Variants in ARHGAP11A observed in about 807,000 individuals in gnomAD.
ARHGAP11A encodes Rho GTPase activating protein 11A.
ARHGAP11A carries 36 observed loss-of-function variants against 60.5 expected under a neutral mutation model. The observed-to-expected ratio is 0.59, with a 90% CI of 0.46 to 0.79. The LOEUF (loss-of-function observed/expected upper bound fraction) is 0.79. Ranked by LOEUF, ARHGAP11A falls within the 30% of genes least tolerant of loss-of-function variation. ARHGAP11A has a pLI of 0.00. For synonymous variants in ARHGAP11A, 362 were observed against 415.5 expected (o/e 0.87, Z 1.57); for missense variants, 1,071 against 1,199.2 (o/e 0.89, Z 1.58).
chr15:32,631,015 T>C (rs1012460268), intron 8 of ARHGAP11A, among the ~76,000 whole-genome samples: 2 of 152,104 alleles, frequency 1.3e-5, no homozygotes, highest in African/African-American at 4.8e-5. Flanking sequence ...TCCTCCAAGC[T>C]CCCAAAACAG....
chr15:32,616,051 C>T lies in ARHGAP11A; in HGVS notation c.-161C>T. On this transcript the variant is annotated 5_prime_UTR_variant, in exon 1 of 12. Transcript: ENST00000361627. ...GATGTGAGTGAGGATCAAGGAAAAG[C>T]CGTGGAAGTGGCCGGGGGTCGGGGC... 1.0e-6 allele frequency: 1 copy of T among 981,690 alleles called. No individual in the cohort carries two copies. Among genetic ancestry groups the T allele is most frequent in the Non-Finnish European group, 1.5e-6 (1 of 674,892 alleles). 60.8% of individuals were successfully genotyped at this position (981,690 alleles called of 1,614,324 possible).
Position 32,634,164 on chromosome 15 carries a change from ACT to A in ARHGAP11A, c.1344+126_1344+127del, listed in dbSNP as rs978980208. 4.6e-6 allele frequency: 3 copies of A among 657,582 alleles called. No homozygotes were observed. The African/African-American group carries it at 5.7e-5, about 12-fold the overall frequency. 40.7% of individuals were successfully genotyped at this position (657,582 alleles called of 1,614,324 possible). ...TCTCATTCTGTTCTTTTTATCCAAA[ACT>A]CTTATACTTGAGTTGATATCAAATT... On this transcript the variant is annotated intron_variant, in intron 10 of 11. Coordinates refer to ENST00000361627, the MANE Select transcript of ARHGAP11A (RefSeq NM_014783.6).
Position 32,617,145 on chromosome 15 carries a change from A to G in ARHGAP11A, c.129+805A>G, listed in dbSNP as rs1212317418. On this transcript the variant is annotated intron_variant, in intron 1 of 11. Coordinates refer to ENST00000361627, the MANE Select transcript of ARHGAP11A (RefSeq NM_014783.6). ...TATTTTAAATTTATGTGCCTAATTT[A>G]TATGGTACTTCCTAGTACTTGGAGA... 2.0e-5 allele frequency among the ~76,000 whole-genome samples: 3 copies of G among 152,210 alleles called. No individual in the cohort carries two copies. In the East Asian group the frequency reaches 5.8e-4, roughly 29 times the overall value.
chr15:32,621,938 C>T (rs1379298942), intron 2 of ARHGAP11A, among the ~76,000 whole-genome samples: 1 of 152,308 alleles, frequency 6.6e-6, no homozygotes, highest in Non-Finnish European at 1.5e-5. Flanking sequence ...CTACTATAGA[C>T]CAATAATCTA....
chr15:32,637,134 A>G lies in ARHGAP11A; in HGVS notation c.2361A>G (p.Ser787=). The G allele has an allele frequency of 6.2e-7, 1 of 1,614,118 alleles. No individual in the cohort carries two copies. Among genetic ancestry groups the G allele is most frequent in the Non-Finnish European group, 8.5e-7 (1 of 1,180,026 alleles). ...PRPMRIAKQQ[S]LETCEKTVSE... ...CTATGAGAATTGCTAAACAGCAGTCATTGGAAACATGTGAGAAAACAGTTT... is the reference window on the plus strand; with the variant it reads ...CTATGAGAATTGCTAAACAGCAGTCGTTGGAAACATGTGAGAAAACAGTTT... Residue 787 remains serine (S), a synonymous_variant, in exon 12 of 12, where the codon TCA becomes TCG. Coordinates refer to ENST00000361627, the MANE Select transcript of ARHGAP11A (RefSeq NM_014783.6).
rs2053409989 is a variant in ARHGAP11A, at chr15:32,624,373, C to T, written c.498C>T (p.His166=). Residue 166 remains histidine, a synonymous_variant, in exon 4 of 12, where the codon CAC becomes CAT. Transcript: ENST00000361627. ...TLLLSCLLAD[H]TVHVLRYFFN... Reference sequence around the variant, plus strand: ...TGCTCTCCTGTCTTCTGGCTGACCACACAGTTCATGTATTAAGATACTTCT... The same window carrying T: ...TGCTCTCCTGTCTTCTGGCTGACCATACAGTTCATGTATTAAGATACTTCT... 6.2e-7 allele frequency: 1 copy of T among 1,613,886 alleles called. No individual in the cohort carries two copies. Among genetic ancestry groups the T allele is most frequent in the Non-Finnish European group, 8.5e-7 (1 of 1,179,862 alleles).
Position 32,636,842 on chromosome 15 carries a change from GTTA to G in ARHGAP11A, c.2072_2074del (p.Tyr691del). The stretch of plus-strand genomic sequence containing the variant: ...TTTAATAGAGAAACAACTATAAAAT[GTTA>G]TTCAACTCAGATGAAGATGGAACAT... On this transcript the variant is annotated inframe_deletion, in exon 12 of 12. Transcript: ENST00000361627. 6.2e-7 allele frequency: 1 copy of G among 1,608,466 alleles called. No homozygotes were observed. The highest frequency in any genetic ancestry group is 8.5e-7 in the Non-Finnish European group (1 of 1,178,762).
chr15:32,627,724 G>A (rs1200247612), intron 6 of ARHGAP11A, among the ~76,000 whole-genome samples: 5 of 151,788 alleles, frequency 3.3e-5, no homozygotes, highest in Admixed American at 1.3e-4. Flanking sequence ...GCGAGACTCC[G>A]TCTCAAAAAT....
rs375622753 is a variant in ARHGAP11A at position 32,625,582 on chromosome 15, G to T, written c.811G>T (p.Glu271Ter). 1 of 1,613,918 alleles carries T rather than the reference G, an allele frequency of 6.2e-7. No homozygotes were observed. The highest frequency in any genetic ancestry group is 8.5e-7 in the Non-Finnish European group (1 of 1,179,838). ...TPSLEGFEEG[E>*]YETPGEYKRK... The stretch of plus-strand genomic sequence containing the variant: ...ATCACTGGAAGGCTTTGAAGAAGGT[G>T]AATATGAAACTCCTGGTGAATATAA... The change falls in exon 6 of 12, where the codon GAA becomes TAA. Residue 271 changes from glutamate to a stop codon, truncating the protein, a stop_gained. Transcript: ENST00000361627. LOFTEE classifies it high-confidence loss of function.
chr15:32,616,027 A>T lies in ARHGAP11A; in HGVS notation c.-185A>T. 1 of 747,832 alleles carries T rather than the reference A, an allele frequency of 1.3e-6. No individual in the cohort carries two copies. The highest frequency in any genetic ancestry group is 2.1e-6 in the Non-Finnish European group (1 of 466,008). 46.3% of individuals were successfully genotyped at this position (747,832 alleles called of 1,614,324 possible). A position where few individuals can be genotyped will look rare whatever the true frequency, so the allele number is the denominator to read the frequency against. On this transcript the variant is annotated 5_prime_UTR_variant, in exon 1 of 12. An upstream start codon of the reference 5' UTR is lost. Transcript: ENST00000361627. Reference sequence around the variant, plus strand: ...AAGAGAAGCGGGTCTGTGTAAGTGGATGTGAGTGAGGATCAAGGAAAAGCC... The same window carrying T: ...AAGAGAAGCGGGTCTGTGTAAGTGGTTGTGAGTGAGGATCAAGGAAAAGCC...
intron 10 of ARHGAP11A, 75 bp downstream of exon 10, chr15:32,634,116 C>T: frequency 1.1e-6 from 1 of 929,436 alleles, no homozygotes; most frequent in South Asian, 1.7e-5. Context: ...ACACTCATAG[C>T]CCTACCTTCC....
In ARHGAP11A at chr15:32,636,535, GA is replaced by G; in HGVS notation, c.1766del (p.Asn589IlefsTer3). On this transcript the variant is annotated frameshift_variant, in exon 12 of 12. Transcript: ENST00000361627. LOFTEE classifies it low-confidence loss of function (END_TRUNC). ...AACAAGTAGCCCTCTTAGCGGGGATGAAAATAACATGACCAAAGAGACTTTG... is the reference window on the plus strand; with the variant it reads ...AACAAGTAGCCCTCTTAGCGGGGATGAAATAACATGACCAAAGAGACTTTG... ...NITSSPLSGD[E>X]NNMTKETLVK... The G allele has an allele frequency of 6.2e-7, 1 of 1,614,134 alleles. No homozygotes were observed. Among genetic ancestry groups the G allele is most frequent in the Non-Finnish European group, 8.5e-7 (1 of 1,179,990 alleles).
Position 32,624,443 on chromosome 15 carries a change from ACT to A in ARHGAP11A, c.551+20_551+21del. 9 of 1,600,092 alleles carry A rather than the reference ACT, an allele frequency of 5.6e-6. No individual in the cohort carries two copies. The highest frequency in any genetic ancestry group is 6.8e-6 in the Non-Finnish European group (8 of 1,174,622). On this transcript the variant is annotated intron_variant, in intron 4 of 11. Coordinates refer to ENST00000361627, the MANE Select transcript of ARHGAP11A (RefSeq NM_014783.6). ...TTCTCTTAGGTAAGTGGTAATTAAA[ACT>A]CTTGGCAAATAATAGTTGAATTTTT...
In ARHGAP11A at chr15:32,637,374, T is replaced by C. The variant is rs748830333; in HGVS notation, c.2601T>C (p.Ala867=). The C allele has an allele frequency of 1.4e-5, 23 of 1,614,084 alleles. No individual in the cohort carries two copies. Among genetic ancestry groups the C allele is most frequent in the Non-Finnish European group, 1.8e-5 (21 of 1,180,028 alleles). The stretch of plus-strand genomic sequence containing the variant: ...AGTTGGCGAGTCTTGGTGATACAGC[T>C]TCTCCTTTGGTCAAATCAGTGAGCT... ...GHKLASLGDT[A]SPLVKSVSCD... Residue 867 remains alanine (A), a synonymous_variant, in exon 12 of 12, where the codon GCT becomes GCC. Transcript: ENST00000361627.
Position 32,636,319 on chromosome 15 carries a change from A to T in ARHGAP11A, c.1546A>T (p.Asn516Tyr), listed in dbSNP as rs556950894. 6.2e-7 allele frequency: 1 copy of T among 1,613,672 alleles called. No individual in the cohort carries two copies. The highest frequency in any genetic ancestry group is 8.5e-7 in the Non-Finnish European group (1 of 1,179,894). The change falls in exon 12 of 12, where the codon AAT becomes TAT. Residue 516 changes from asparagine to tyrosine, a missense_variant. Around this residue, in one of 4 missense-constraint regions of ARHGAP11A, gnomAD observed 776 missense variants for 760.2 expected, o/e 1.02. Transcript: ENST00000361627. ...AACTCCAGAGCGACTAGTTGGAACA[A>T]ATTACCGGATGTCTTGGACAGGACC... ...LLTPERLVGT[N>Y]YRMSWTGPNN...
chr15:32,625,233 A>C lies in ARHGAP11A; in HGVS notation c.705A>C (p.Ala235=), dbSNP rs1353158204. 1 of 1,607,878 alleles carries C rather than the reference A, an allele frequency of 6.2e-7. No individual in the cohort carries two copies. The highest frequency in any genetic ancestry group is 8.5e-7 in the Non-Finnish European group (1 of 1,177,652). Residue 235 remains alanine, a synonymous_variant, in exon 5 of 12, where the codon GCA becomes GCC. Transcript: ENST00000361627. ...TAGTACAGACTCTTATCGATTATGC[A>C]TCAGATATTGGTAAGATGTAGTTGC... ...AAVVQTLIDY[A]SDIGRVPDFI... is the part of the protein sequence containing the mutation.
chr15:32,616,452 G>A (rs1036358709), intron 1 of ARHGAP11A, 112 bp downstream of exon 1: 59 of 1,519,374 alleles, frequency 3.9e-5, no homozygotes, highest in Non-Finnish European at 2.2e-5. Context: ...AGAATGGTTA[G>A]GTGTGTAATT....
intron 10 of ARHGAP11A, 58 bp downstream of exon 10, chr15:32,634,099 C>G: frequency 8.8e-7 from 1 of 1,141,268 alleles, no homozygotes; most frequent in Non-Finnish European, 1.2e-6. Flanking sequence ...AAACTTGATA[C>G]TAAAAAACAC....
At position 32,637,834 on chromosome 15, in the gene ARHGAP11A, G is replaced by A. The variant is rs1160530906; in HGVS notation, c.3061G>A (p.Val1021Ile). The part of the protein sequence containing the change: ...KTQLLPTSKP[V>I]DL ...TCAATTACTACCAACAAGTAAACCTGTAGATTTGTAATTGGTAAATGTTAT... is the reference window on the plus strand; with the variant it reads ...TCAATTACTACCAACAAGTAAACCTATAGATTTGTAATTGGTAAATGTTAT... The change falls in exon 12 of 12, where the codon GTA becomes ATA. Residue 1021 changes from valine to isoleucine, a missense_variant. By Grantham distance (29) the Val-to-Ile change is conservative (BLOSUM62 3). Around this residue, in one of 4 missense-constraint regions of ARHGAP11A, gnomAD observed 776 missense variants for 760.2 expected, o/e 1.02. Coordinates refer to ENST00000361627, the MANE Select transcript of ARHGAP11A (RefSeq NM_014783.6). 1.3e-6 allele frequency: 2 copies of A among 1,590,256 alleles called. No individual in the cohort carries two copies. Among genetic ancestry groups the A allele is most frequent in the Non-Finnish European group, 1.7e-6 (2 of 1,171,054 alleles).
Sources: allele counts gnomAD v4.1 joint callset (sites outside exome capture counted in the v4.1 genomes callset), GRCh38; gene constraint gnomAD v4.1.1; regional missense constraint gnomAD v4.1.1; transcripts MANE v1.5; gene names NCBI Gene and HGNC (gene_info 2026-07-23, HGNC 2026-07-21).